The following POU2F3 variants were observed in gnomAD, a reference collection of about 807,000 sequenced individuals.
POU2F3 encodes POU class 2 homeobox 3.
POU2F3 carries 23 observed loss-of-function variants against 59.2 expected under a neutral mutation model. The ratio of observed to expected loss-of-function variants is 0.39; its 90% CI spans 0.28 to 0.55. The LOEUF (loss-of-function observed/expected upper bound fraction) is 0.55, where lower values mean the gene tolerates loss of function less well. POU2F3 is among the 20% of genes least tolerant of loss of function. POU2F3 has a pLI of 0.66. For synonymous variants in POU2F3, 190 were observed against 214.6 expected, an observed-to-expected ratio of 0.89 and a Z score of 1.00; for missense variants, 473 against 544.5, an observed-to-expected ratio of 0.87 and a Z score of 1.31.
intron 2 of POU2F3, among the ~76,000 whole-genome samples, chr11:120,265,635 AT>A (rs1278455198): frequency 2.1e-4 from 32 of 152,224 alleles, no homozygotes; most frequent in African/African-American, 7.7e-4. Flanking sequence ...TAATCTCTGA[AT>A]TGTGCTTACA....
At chr11:120,309,177 AT>A (rs1252560749) in intron 9 of POU2F3, among the ~76,000 whole-genome samples, 1 of 152,038 alleles carries the variant, frequency 6.6e-6, no homozygotes, top group East Asian at 1.9e-4. Context: ...ACATTTTCTC[AT>A]TTAATTCTCA....
intron 9 of POU2F3, among the ~76,000 whole-genome samples, chr11:120,307,912 C>A (rs181056552): frequency 4.0e-4 from 61 of 152,308 alleles, no homozygotes; most frequent in African/African-American, 1.4e-3. Flanking sequence ...TCCCAGAACA[C>A]AGTGTATCTC....
rs967134086 is a variant in POU2F3 at position 120,319,652 on chromosome 11, G to A, written c.*1260G>A. ...GTAGAGATGGGGTTTCACCATGTTG[G>A]TCAGGCTGGTCTTGAACTCCTGACC... On this transcript the variant is annotated 3_prime_UTR_variant, in exon 13 of 13. Transcript: ENST00000543440. 6.6e-6 allele frequency: 1 copy of A among 152,090 alleles called. No homozygotes were observed. The highest frequency in any genetic ancestry group is 2.4e-5 in the African/African-American group (1 of 41,270). The allele number at this position is 152,090 out of a possible 1,614,324, so 9.4% of individuals were successfully genotyped here. A position where few individuals can be genotyped will look rare whatever the true frequency, so the allele number is the denominator to read the frequency against.
chr11:120,317,001 C>T (rs1465614559), intron 11 of POU2F3, among the ~76,000 whole-genome samples: 2 of 152,152 alleles, frequency 1.3e-5, no homozygotes, highest in Non-Finnish European at 2.9e-5. Context: ...CCAGCCACAC[C>T]ACTCTCCAGG....
At chr11:120,317,092 C>T (rs1225619701) in intron 11 of POU2F3, 137 bp from the exon 12 acceptor site, 1 of 961,012 alleles carries the variant, frequency 1.0e-6, no homozygotes, top group East Asian at 2.4e-5. Context: ...AGGAGGTAGT[C>T]AGGTGGGTGT....
intron 5 of POU2F3, 78 bp downstream of exon 5, chr11:120,299,804 G>C: frequency 1.6e-6 from 2 of 1,252,484 alleles, no homozygotes; most frequent in South Asian, 2.7e-5. Flanking sequence ...CTGGGTGAGG[G>C]GGCCTAATTG....
At chr11:120,317,765 G>A (rs1040459274) in intron 12 of POU2F3, among the ~76,000 whole-genome samples, 3 of 152,212 alleles carry the variant, frequency 2.0e-5, no homozygotes, top group Admixed American at 6.5e-5. Flanking sequence ...GGCTGACACA[G>A]GGAAAGGGGG....
In POU2F3 at chr11:120,285,564, T is replaced by C. The variant is rs1481773617; in HGVS notation, c.133-12701T>C. ...TTATATACTTAATACATGAATACTTTCCGGTTATAAAAAAATTTCATAATA... is the reference window on the plus strand; with the variant it reads ...TTATATACTTAATACATGAATACTTCCCGGTTATAAAAAAATTTCATAATA... On this transcript the variant is annotated intron_variant, in intron 3 of 12. Coordinates refer to ENST00000543440, the MANE Select transcript of POU2F3 (RefSeq NM_014352.4). This position sits in a 1 kb window ranked among gnomAD's most constrained non-coding sequence, Gnocchi z 4.3. Among the ~76,000 whole-genome samples, 1 of 152,188 alleles carries C rather than the reference T, an allele frequency of 6.6e-6. No homozygotes were observed. Among genetic ancestry groups the C allele is most frequent in the African/African-American group, 2.4e-5 (1 of 41,450 alleles).
At chr11:120,304,525 T>C (rs1000022772) in intron 6 of POU2F3, among the ~76,000 whole-genome samples, 1 of 152,166 alleles carries the variant, frequency 6.6e-6, no homozygotes, top group Non-Finnish European at 1.5e-5. Context: ...AGGAAAGTTC[T>C]ATGAAGGCCA....
Position 120,309,658 on chromosome 11 carries a change from T to C in POU2F3, c.1068+72T>C, listed in dbSNP as rs1017396109. The C allele has an allele frequency of 3.9e-6, 6 of 1,536,182 alleles. No homozygotes were observed. The Admixed American group carries it at 1.0e-4, about 26-fold the overall frequency. On this transcript the variant is annotated intron_variant, in intron 10 of 12. Transcript: ENST00000543440. ...GATGCTTGGAGGGGAAGGTGGTGGC[T>C]GCAGGGAAGAGGGGAGCATCCAGTA...
Position 120,285,512 on chromosome 11 carries a change from T to C in POU2F3, c.133-12753T>C, listed in dbSNP as rs142721507. Among the ~76,000 whole-genome samples the C allele has an allele frequency of 3.8e-4, 58 of 152,354 alleles. No homozygotes were observed. The highest frequency in any genetic ancestry group is 1.3e-3 in the African/African-American group (56 of 41,580). ...GATCTGTAAACGATTCCATATGTTATGCTGCTGAATGCCTTCCTTAAACCA... is the reference window on the plus strand; with the variant it reads ...GATCTGTAAACGATTCCATATGTTACGCTGCTGAATGCCTTCCTTAAACCA... On this transcript the variant is annotated intron_variant, in intron 3 of 12. Transcript: ENST00000543440. The surrounding 1 kb of genome is among the most constrained non-coding windows in gnomAD (Gnocchi z 4.3).
chr11:120,305,498 G>C, intron 7 of POU2F3, 146 bp from the exon 8 acceptor site: 1 of 1,255,346 alleles, frequency 8.0e-7, no homozygotes, highest in African/African-American at 1.5e-5. Context: ...ACCTTAGAGG[G>C]AGGAGACTTG....
rs933572370 is a variant in POU2F3 at position 120,240,211 on chromosome 11, G to A, written c.-133G>A. On this transcript the variant is annotated 5_prime_UTR_variant, in exon 1 of 13. Coordinates refer to ENST00000543440, the MANE Select transcript of POU2F3 (RefSeq NM_014352.4). ...CGGAGCGCGCGACAGTGGCGGCGAC[G>A]GCTCCGGCAGCGGCTCCCGCGGCGG... 7 of 1,241,674 alleles carry A rather than the reference G, an allele frequency of 5.6e-6. No individual in the cohort carries two copies. The highest frequency in any genetic ancestry group is 4.7e-5 in the African/African-American group (3 of 63,974). 76.9% of individuals were successfully genotyped at this position (1,241,674 alleles called of 1,614,324 possible).
Position 120,307,517 on chromosome 11 carries a change from T to A in POU2F3, c.808T>A (p.Ser270Thr), listed in dbSNP as rs773336138. Reference sequence around the variant, plus strand: ...AGACCCCTCAGTGAGCACGCCCAGCTCCTACCCCAGCCTCAGTGAAGTATT... The same window carrying A: ...AGACCCCTCAGTGAGCACGCCCAGCACCTACCCCAGCCTCAGTGAAGTATT... ...PSDPSVSTPS[S>T]YPSLSEVFGR... Residue 270 changes from serine (S) to threonine (T), a missense_variant, in exon 9 of 13, where the codon TCC becomes ACC. By Grantham distance (58) the Ser-to-Thr change is moderately conservative. Coordinates refer to ENST00000543440, the MANE Select transcript of POU2F3 (RefSeq NM_014352.4). 1 of 1,614,082 alleles carries A rather than the reference T, an allele frequency of 6.2e-7. No homozygotes were observed. Among genetic ancestry groups the A allele is most frequent in the South Asian group, 1.1e-5 (1 of 91,076 alleles).
intron 3 of POU2F3, among the ~76,000 whole-genome samples, chr11:120,270,815 C>T (rs1940036595): frequency 6.6e-6 from 1 of 152,070 alleles, no homozygotes; most frequent in Non-Finnish European, 1.5e-5. Context: ...ACCTCAGCCT[C>T]CCAAGCAGCT....
intron 2 of POU2F3, among the ~76,000 whole-genome samples, chr11:120,267,818 T>C (rs1396507396): frequency 1.6e-5 from 1 of 61,872 alleles, no homozygotes; most frequent in African/African-American, 1.2e-4. Flanking sequence ...TGTATATGCA[T>C]ATTAATATAT....
At chr11:120,311,900 G>C (rs746545826) in intron 10 of POU2F3, among the ~76,000 whole-genome samples, 9 of 152,130 alleles carry the variant, frequency 5.9e-5, no homozygotes, top group Admixed American at 3.9e-4. Context: ...GGAGGGACCA[G>C]AAAAGACAAG....
chr11:120,308,675 T>C (rs1262827322), intron 9 of POU2F3, among the ~76,000 whole-genome samples: 1 of 151,956 alleles, frequency 6.6e-6, no homozygotes, highest in Non-Finnish European at 1.5e-5. Context: ...TGGTGACTCA[T>C]GCCTGTAATC....
At chr11:120,242,323 T>A (rs1170571667) in intron 1 of POU2F3, among the ~76,000 whole-genome samples, 1 of 152,192 alleles carries the variant, frequency 6.6e-6, no homozygotes, top group Non-Finnish European at 1.5e-5. Flanking sequence ...GTTCAAGATC[T>A]TCTTTGTAGG....
Sources: allele counts gnomAD v4.1 joint callset (sites outside exome capture counted in the v4.1 genomes callset), GRCh38; gene constraint gnomAD v4.1.1; non-coding constraint Gnocchi (gnomAD v3.1); transcripts MANE v1.5; gene names NCBI Gene and HGNC (gene_info 2026-07-23, HGNC 2026-07-21).